PCDHA12: variants seen among roughly 807,000 people sequenced by gnomAD.
PCDHA12 encodes the protein protocadherin alpha 12.
PCDHA12 carries 44 observed loss-of-function variants against 60.0 expected under a neutral mutation model. That is an observed-to-expected ratio of 0.73 (90% CI 0.58 to 0.94). PCDHA12 has a LOEUF of 0.94. Ranked by LOEUF, PCDHA12 falls within the 40% of genes least tolerant of loss-of-function variation. The pLI is 0.00. For synonymous variants in PCDHA12, 569 were observed against 553.0 expected (o/e 1.03, Z -0.40); for missense variants, 1,276 against 1,239.7 (o/e 1.03, Z -0.44).
intron 1 of PCDHA12, among the ~76,000 whole-genome samples, chr5:140,907,687 G>A (rs1554193091): frequency 6.6e-6 from 1 of 152,220 alleles, no homozygotes; most frequent in East Asian, 1.9e-4. Context: ...GCCTTGGTGA[G>A]TGGAAGTCCC....
chr5:140,979,355 T>C (rs1437499560), intron 2 of PCDHA12, among the ~76,000 whole-genome samples: 6 of 152,206 alleles, frequency 3.9e-5, no homozygotes, highest in African/African-American at 1.4e-4. Flanking sequence ...TTAATACTCA[T>C]GCTTTGAGAC....
intron 1 of PCDHA12, among the ~76,000 whole-genome samples, chr5:140,955,070 G>A (rs755676357): frequency 2.2e-4 from 34 of 152,166 alleles, no homozygotes; most frequent in Non-Finnish European, 4.1e-4. Context: ...GTTTGTTGAA[G>A]ATCAGATGGT....
chr5:140,974,701 A>G (rs1299087234), intron 1 of PCDHA12, among the ~76,000 whole-genome samples: 2 of 152,012 alleles, frequency 1.3e-5, no homozygotes, highest in Non-Finnish European at 2.9e-5. Flanking sequence ...GGGTTTCACC[A>G]TGTTGTTCAA....
chr5:140,882,510 A>G (rs1276139359), intron 1 of PCDHA12: 1 of 1,614,046 alleles, frequency 6.2e-7, no homozygotes, highest in East Asian at 2.2e-5. Context: ...AATCTGCAGA[A>G]TGGCATTTTG....
intron 2 of PCDHA12, among the ~76,000 whole-genome samples, chr5:140,979,943 T>A (rs2153820467): frequency 6.6e-6 from 1 of 152,364 alleles, no homozygotes; most frequent in Admixed American, 6.5e-5. Context: ...GTAGAGTTAA[T>A]GTGAAATTAG....
intron 1 of PCDHA12, among the ~76,000 whole-genome samples, chr5:140,886,827 G>GAAA (rs782016620): frequency 3.3e-5 from 2 of 60,922 alleles, no homozygotes; most frequent in Non-Finnish European, 6.7e-5. Flanking sequence ...ACTTCGTCTT[G>GAAA]AAAAAAAAAA....
At chr5:140,982,268 A>G (rs2096974621) in intron 2 of PCDHA12, 3 of 885,512 alleles carry the variant, frequency 3.4e-6, no homozygotes, top group South Asian at 2.2e-5. Flanking sequence ...TGTTCCTGGA[A>G]TAGTATAGCA....
rs375199455 is a variant in PCDHA12 at position 140,877,334 on chromosome 5, C to G, written c.1862C>G (p.Pro621Arg). ...LQPAAVGAHIPFHVGLYTGEI... is the reference protein window; with the variant it reads ...LQPAAVGAHIRFHVGLYTGEI... ...CCGGCGGCGGTCGGCGCGCACATCC[C>G]GTTCCACGTGGGGCTGTACACTGGC... Residue 621 changes from proline (P) to arginine (R), a missense_variant, in exon 1 of 4, where the codon CCG (proline) becomes CGG (arginine). Pro to Arg is a moderately radical substitution (Grantham distance 103, BLOSUM62 -2). Coordinates refer to ENST00000398631, the MANE Select transcript of PCDHA12 (RefSeq NM_018903.4). 5 of 1,613,884 alleles carry G rather than the reference C, an allele frequency of 3.1e-6. No individual in the cohort carries two copies. The highest frequency in any genetic ancestry group is 1.3e-5 in the African/African-American group (1 of 74,922).
intron 1 of PCDHA12, chr5:140,926,774 A>G: frequency 7.2e-7 from 1 of 1,380,760 alleles, no homozygotes; most frequent in Non-Finnish European, 9.4e-7. Flanking sequence ...AGCCCGCAGC[A>G]GTGACGGCCG....
At chr5:140,927,015 G>C in intron 1 of PCDHA12, 1 of 1,612,466 alleles carries the variant, frequency 6.2e-7, no homozygotes, top group Non-Finnish European at 8.5e-7. Context: ...ATCTCTCCGC[G>C]GACTTGAGGC....
intron 3 of PCDHA12, among the ~76,000 whole-genome samples, chr5:140,983,886 T>C (rs1280409622): frequency 1.3e-5 from 2 of 152,206 alleles, no homozygotes; most frequent in Non-Finnish European, 2.9e-5. Flanking sequence ...CTGGCAACTT[T>C]AAGGGCATTC....
At chr5:140,884,354 G>A (rs2060118274) in intron 1 of PCDHA12, 1 of 1,613,952 alleles carries the variant, frequency 6.2e-7, no homozygotes, top group African/African-American at 1.3e-5. Context: ...GCTGGTGGAT[G>A]TCAATGTTTA....
At chr5:140,942,863 T>A (rs1223265899) in intron 1 of PCDHA12, among the ~76,000 whole-genome samples, 2 of 152,126 alleles carry the variant, frequency 1.3e-5, no homozygotes, top group Non-Finnish European at 2.9e-5. Context: ...TTATTTTGCT[T>A]TAGCATGACA....
At chr5:140,937,945 G>T (rs1464890227) in intron 1 of PCDHA12, among the ~76,000 whole-genome samples, 1 of 151,840 alleles carries the variant, frequency 6.6e-6, no homozygotes, top group Non-Finnish European at 1.5e-5. Context: ...TTGATAATTG[G>T]CTTTTGTTGA....
At chr5:140,904,725 C>A (rs1554191671) in intron 1 of PCDHA12, among the ~76,000 whole-genome samples, 1 of 152,050 alleles carries the variant, frequency 6.6e-6, no homozygotes, top group Non-Finnish European at 1.5e-5. Context: ...TGGCCAACAT[C>A]TATTATTTTT....
chr5:141,008,985 A>C (rs566679512), intron 3 of PCDHA12, among the ~76,000 whole-genome samples: 1 of 152,240 alleles, frequency 6.6e-6, no homozygotes, highest in Non-Finnish European at 1.5e-5. Context: ...AGTTTAATCT[A>C]GACACTAAAA....
chr5:140,972,854 G>A (rs895738831), intron 1 of PCDHA12, among the ~76,000 whole-genome samples: 4 of 151,946 alleles, frequency 2.6e-5, no homozygotes, highest in Non-Finnish European at 4.4e-5. Flanking sequence ...AGTAGAGATG[G>A]GGTTTCATCA....
intron 3 of PCDHA12, among the ~76,000 whole-genome samples, chr5:141,007,932 A>T (rs150576416): frequency 3.9e-5 from 6 of 152,336 alleles, no homozygotes; most frequent in Non-Finnish European, 7.3e-5. Context: ...CTGGAATTCT[A>T]AGCCACCTTT....
intron 1 of PCDHA12, among the ~76,000 whole-genome samples, chr5:140,921,063 T>G (rs1054649837): frequency 6.6e-6 from 1 of 152,078 alleles, no homozygotes; most frequent in Admixed American, 6.6e-5. Context: ...CACTCTAACC[T>G]TGAACTCTTG....
Sources: gnomAD v4.1 joint callset for allele counts (sites outside exome capture counted in the v4.1 genomes callset) on GRCh38, gnomAD v4.1.1 for gene constraint, MANE v1.5 for transcripts, NCBI Gene and HGNC (gene_info 2026-07-23, HGNC 2026-07-21) for gene names.